Variants in CTNNA3 observed in about 807,000 individuals in gnomAD.
The protein encoded by CTNNA3 is catenin alpha-3.
In CTNNA3, 76 loss-of-function variants were observed where a neutral mutation model predicts 95.7. The ratio of observed to expected loss-of-function variants is 0.79; its 90% confidence interval spans 0.66 to 0.96. The LOEUF (loss-of-function observed/expected upper bound fraction) is 0.96, where lower values mean the gene tolerates loss of function less well. CTNNA3 is among the 40% of genes least tolerant of loss of function. The probability of loss-of-function intolerance (pLI) is 0.00; values close to 1 mark genes in which losing one functional copy is unlikely to be tolerated. For missense variants in CTNNA3, 1,191 were observed against 1,089.8 expected (o/e 1.09, Z -1.31); for synonymous variants, 431 against 374.4 (o/e 1.15, Z -1.74).
At chr10:66,891,873 A>G (rs1845281827) in intron 7 of CTNNA3, among the ~76,000 whole-genome samples, 1 of 152,156 alleles carries the variant, frequency 6.6e-6, no homozygotes, top group African/African-American at 2.4e-5. Context: ...CTGAAATTTA[A>G]CAAATCAAGG....
chr10:67,267,372 T>G (rs1866873361), intron 5 of CTNNA3, among the ~76,000 whole-genome samples: 1 of 152,166 alleles, frequency 6.6e-6, no homozygotes, highest in Non-Finnish European at 1.5e-5. Flanking sequence ...TAATCTTCTT[T>G]TTTTGTTTTT....
chr10:66,038,694 G>A (rs965863727), intron 15 of CTNNA3, among the ~76,000 whole-genome samples: 4 of 152,088 alleles, frequency 2.6e-5, no homozygotes, highest in Admixed American at 2.6e-4. Context: ...ATTATTGTTG[G>A]AAGACCACTT....
At chr10:66,232,617 T>C (rs1015687309) in intron 13 of CTNNA3, among the ~76,000 whole-genome samples, 2 of 152,214 alleles carry the variant, frequency 1.3e-5, no homozygotes, top group South Asian at 4.1e-4. Flanking sequence ...AAGTTAATAC[T>C]GAATAGGAAG....
intron 10 of CTNNA3, among the ~76,000 whole-genome samples, chr10:66,596,471 G>A (rs1309072142): frequency 6.6e-6 from 1 of 152,102 alleles, no homozygotes; most frequent in Non-Finnish European, 1.5e-5. Context: ...GGATTGGGAG[G>A]AGTCATACTA....
chr10:67,548,825 C>T (rs1323584999), intron 3 of CTNNA3, among the ~76,000 whole-genome samples: 1 of 151,174 alleles, frequency 6.6e-6, no homozygotes, highest in African/African-American at 2.4e-5. Flanking sequence ...AGACAACACA[C>T]AGAATGGAAG....
chr10:67,349,948 C>A (rs1842570677), intron 5 of CTNNA3, among the ~76,000 whole-genome samples: 1 of 152,038 alleles, frequency 6.6e-6, no homozygotes, highest in Non-Finnish European at 1.5e-5. Flanking sequence ...TCAGGGCACT[C>A]AGTATATCAG....
intron 11 of CTNNA3, among the ~76,000 whole-genome samples, chr10:66,386,952 G>T (rs2092898155): frequency 1.3e-5 from 2 of 152,134 alleles, no homozygotes; most frequent in East Asian, 3.9e-4. Context: ...AATTCAAGAT[G>T]GATTAAAGAC....
chr10:67,348,805 C>A (rs532740477), intron 5 of CTNNA3, among the ~76,000 whole-genome samples: 1 of 152,000 alleles, frequency 6.6e-6, no homozygotes, highest in Non-Finnish European at 1.5e-5. Flanking sequence ...GACAAAACAT[C>A]CAAACCATAT....
chr10:67,075,529 C>T (rs1358287613), intron 7 of CTNNA3, among the ~76,000 whole-genome samples: 3 of 152,118 alleles, frequency 2.0e-5, no homozygotes, highest in African/African-American at 7.2e-5. Context: ...TCCAACGTCA[C>T]GAGACTACAT....
intron 5 of CTNNA3, among the ~76,000 whole-genome samples, chr10:67,467,159 T>A (rs1429874225): frequency 6.6e-6 from 1 of 151,976 alleles, no homozygotes; most frequent in East Asian, 1.9e-4. Context: ...AAAAGAAAAT[T>A]GTTGAACTGG....
chr10:67,113,218 A>C (rs1289979583), intron 7 of CTNNA3, among the ~76,000 whole-genome samples: 5 of 152,232 alleles, frequency 3.3e-5, no homozygotes, highest in Non-Finnish European at 7.3e-5. Context: ...TAAACCAGAG[A>C]TACTATTCTT....
At chr10:66,704,389 G>T (rs957714185) in intron 9 of CTNNA3, among the ~76,000 whole-genome samples, 5 of 152,086 alleles carry the variant, frequency 3.3e-5, no homozygotes, top group Non-Finnish European at 4.4e-5. Context: ...AGAGGGAACT[G>T]CAGGAGTTTT....
At chr10:66,873,961 TA>T (rs1465238030) in intron 7 of CTNNA3, among the ~76,000 whole-genome samples, 1 of 152,180 alleles carries the variant, frequency 6.6e-6, no homozygotes, top group Non-Finnish European at 1.5e-5. Flanking sequence ...AACACAGGAT[TA>T]AACATGTAAG....
chr10:65,969,415 C>T (rs1391191078), intron 16 of CTNNA3, among the ~76,000 whole-genome samples: 6 of 152,110 alleles, frequency 3.9e-5, no homozygotes, highest in Non-Finnish European at 5.9e-5. Context: ...AGTTCTCCAG[C>T]TATGGTCCCC....
chr10:66,336,613 G>T (rs1052132578), intron 12 of CTNNA3, among the ~76,000 whole-genome samples: 1 of 151,904 alleles, frequency 6.6e-6, no homozygotes, highest in Non-Finnish European at 1.5e-5. Flanking sequence ...TTGTAACATT[G>T]TCTATTCTAT....
In CTNNA3 at chr10:67,488,354, T is replaced by A. The variant is rs367678671; in HGVS notation, c.579+33488A>T. 2.1e-3 allele frequency among the ~76,000 whole-genome samples: 324 copies of A among 152,220 alleles called. 5 individuals are homozygous for A. In the South Asian group the frequency reaches 0.025, roughly 12 times the overall value. ...TGGGCAAGACTCTATGGGTCAGAGA[T>A]CCCTTGCATCAGCTGATTTCTTTCT... On this transcript the variant is annotated intron_variant, in intron 5 of 17. Transcript: ENST00000433211.
intron 11 of CTNNA3, among the ~76,000 whole-genome samples, chr10:66,470,883 G>A (rs1911298): frequency 0.14 from 21,837 of 151,786 alleles, 3,365 homozygotes; most frequent in East Asian, 0.77. Context: ...AAGGACTAAA[G>A]TCTGAGCAAG....
rs577533536 is a variant in CTNNA3 at position 67,371,230 on chromosome 10, A to T, written c.579+150612T>A. On this transcript the variant is annotated intron_variant, in intron 5 of 17. Transcript: ENST00000433211. ...TTCCCATTTTTCTTTTTATATATACATATTTTTTTTCTATTATACTTTAAG... is the reference window on the plus strand; with the variant it reads ...TTCCCATTTTTCTTTTTATATATACTTATTTTTTTTCTATTATACTTTAAG... Among the ~76,000 whole-genome samples the T allele has an allele frequency of 1.1e-4, 16 of 149,858 alleles. No homozygotes were observed. The East Asian group carries it at 3.0e-3, about 29-fold the overall frequency.
chr10:67,668,649 G>A (rs74882884), intron 1 of CTNNA3, among the ~76,000 whole-genome samples: 5,197 of 152,090 alleles, frequency 0.034, 89 homozygotes, highest in Middle Eastern at 0.075. Context: ...AAGATGATTC[G>A]TGTCCTGATT....
Sources: allele counts gnomAD v4.1 joint callset (sites outside exome capture counted in the v4.1 genomes callset), GRCh38; gene constraint gnomAD v4.1.1; transcripts MANE v1.5; gene names NCBI Gene and HGNC (gene_info 2026-07-23, HGNC 2026-07-21).